Variants in CUX1 observed in about 807,000 individuals in gnomAD.
The protein encoded by CUX1 is cut like homeobox 1.
CUX1 carries 31 observed loss-of-function variants against 158.8 expected under a neutral mutation model. The observed-to-expected ratio is 0.20, with a 90% CI of 0.15 to 0.26. The LOEUF is 0.26. CUX1 is among the 10% of genes least tolerant of loss of function. The pLI is 1.00. For synonymous variants in CUX1, 879 were observed against 862.1 expected, an observed-to-expected ratio of 1.02 and a Z score of -0.34; for missense variants, 1,589 against 2,014.6, an observed-to-expected ratio of 0.79 and a Z score of 4.04.
intron 20 of CUX1, 71 bp from the exon 21 acceptor site, chr7:102,227,296 T>A (rs1798435544): frequency 7.5e-7 from 1 of 1,331,432 alleles, no homozygotes; most frequent in Non-Finnish European, 1.0e-6. Flanking sequence ...ATTTCCTAGA[T>A]AAGGAACGTA....
chr7:102,008,530 C>T (rs1233713228), intron 2 of CUX1, among the ~76,000 whole-genome samples: 1 of 152,100 alleles, frequency 6.6e-6, no homozygotes, highest in Non-Finnish European at 1.5e-5. Flanking sequence ...TTATTCTCCT[C>T]GTGTAATCCC....
chr7:101,818,005 G>T (rs1453749131), intron 1 of CUX1, among the ~76,000 whole-genome samples: 1 of 152,202 alleles, frequency 6.6e-6, no homozygotes, highest in Admixed American at 6.5e-5. Context: ...AACTTTAATT[G>T]TATATGCTTG....
At chr7:102,187,868 T>A (rs1554515759) in intron 11 of CUX1, among the ~76,000 whole-genome samples, 9 of 152,076 alleles carry the variant, frequency 5.9e-5, no homozygotes, top group Non-Finnish European at 2.9e-5. Context: ...CTCCCCAAAG[T>A]CTAGAATGTT....
intron 20 of CUX1, among the ~76,000 whole-genome samples, chr7:102,218,437 A>C (rs1403442205): frequency 6.6e-6 from 1 of 152,170 alleles, no homozygotes; most frequent in Non-Finnish European, 1.5e-5. Flanking sequence ...TAATCCCAGC[A>C]CTTTGGGAGG....
intron 2 of CUX1, among the ~76,000 whole-genome samples, chr7:102,001,074 T>A (rs1816629727): frequency 6.6e-6 from 1 of 152,064 alleles, no homozygotes; most frequent in Non-Finnish European, 1.5e-5. Flanking sequence ...TCACCATGCC[T>A]GGCCATAGGG....
intron 21 of CUX1, chr7:102,282,638 C>G: frequency 6.6e-7 from 1 of 1,522,306 alleles, no homozygotes; most frequent in Non-Finnish European, 9.0e-7. Context: ...CCAGGCCAGG[C>G]CCAGGGGCCA....
chr7:102,171,717 G>T (rs894630948), intron 10 of CUX1, among the ~76,000 whole-genome samples: 1 of 151,896 alleles, frequency 6.6e-6, no homozygotes, highest in Non-Finnish European at 1.5e-5. Flanking sequence ...CAGAGTGCTG[G>T]GATTACAGGC....
Position 102,252,640 on chromosome 7 carries a change from C to T in CUX1, c.*3598C>T, listed in dbSNP as rs1801637850. On this transcript the variant is annotated 3_prime_UTR_variant, in exon 24 of 24. Coordinates refer to ENST00000292535, the MANE Select transcript of CUX1 (RefSeq NM_181552.4). ...TTGACCCGGAGTTCCGGCCCAAGCT[C>T]CCTTGTGATAGCCGAGATGGCAGGT... is the stretch of plus-strand genomic sequence containing the variant. The T allele has an allele frequency of 2.0e-6, 2 of 985,290 alleles. No homozygotes were observed. Among genetic ancestry groups the T allele is most frequent in the South Asian group, 4.7e-5 (1 of 21,294 alleles). 61.0% of individuals were successfully genotyped at this position (985,290 alleles called of 1,614,324 possible).
intron 7 of CUX1, 87 bp downstream of exon 7, chr7:102,111,861 G>C: frequency 8.2e-7 from 1 of 1,214,750 alleles, no homozygotes; most frequent in Non-Finnish European, 1.2e-6. Flanking sequence ...CGGTCCCCGC[G>C]GATACCTGTT....
intron 2 of CUX1, among the ~76,000 whole-genome samples, chr7:101,925,710 T>A (rs1180902260): frequency 6.6e-6 from 1 of 152,146 alleles, no homozygotes; most frequent in Non-Finnish European, 1.5e-5. Flanking sequence ...GGCAGATGGA[T>A]TGCTTTTGCT....
At chr7:101,904,597 C>G in intron 1 of CUX1, among the ~76,000 whole-genome samples, 1 of 144,356 alleles carries the variant, frequency 6.9e-6, no homozygotes, top group Non-Finnish European at 1.5e-5. Flanking sequence ...CAGACAGAGT[C>G]TCACTCTGTT....
downstream of CUX1, among the ~76,000 whole-genome samples, chr7:102,259,768 AGAAAG>A (rs1790252034): frequency 6.7e-6 from 1 of 148,922 alleles, no homozygotes. Flanking sequence ...GAAAGAAAAG[AGAAAG>A]GAAGGAAGGA....
At chr7:102,024,188 C>T (rs7809609) in intron 2 of CUX1, among the ~76,000 whole-genome samples, 57,918 of 152,186 alleles carry the variant, frequency 0.38, 12,448 homozygotes, top group East Asian at 0.96. Flanking sequence ...CGCCCCAGCC[C>T]CCTGCTCTCC....
chr7:102,243,644 T>TAATAATAATA (rs1350209287), intron 23 of CUX1, among the ~76,000 whole-genome samples: 17 of 139,314 alleles, frequency 1.2e-4, no homozygotes, highest in Non-Finnish European at 1.7e-4. Flanking sequence ...ATAATAATAA[T>TAATAATAATA]AATAATAATA....
chr7:102,244,419 A>G (rs142739290), intron 23 of CUX1, among the ~76,000 whole-genome samples: 15 of 152,210 alleles, frequency 9.9e-5, no homozygotes, highest in African/African-American at 3.4e-4. Context: ...AAAATATCTC[A>G]GGCTGGGCCG....
chr7:101,980,518 C>G (rs1028469615), intron 2 of CUX1, among the ~76,000 whole-genome samples: 1 of 152,084 alleles, frequency 6.6e-6, no homozygotes, highest in Non-Finnish European at 1.5e-5. Flanking sequence ...CCAATTAAAA[C>G]AATAAAAATC....
intron 5 of CUX1, among the ~76,000 whole-genome samples, chr7:102,100,094 A>T (rs111399572): frequency 0.087 from 13,243 of 152,168 alleles, 784 homozygotes; most frequent in African/African-American, 0.16. Context: ...AGCCTGGCCA[A>T]CATGACGAAA....
chr7:101,869,695 G>A lies in CUX1; in HGVS notation c.31-46420G>A, dbSNP rs541488907. ...CTCAGGACACCATGGAAGACGGCAG[G>A]ACACACGTGCGAGCCACAGCAGGTG... On this transcript the variant is annotated intron_variant, in intron 1 of 23. Transcript: ENST00000292535. This position sits in a 1 kb window ranked among gnomAD's most constrained non-coding sequence, Gnocchi z 4.5. 7.2e-5 allele frequency among the ~76,000 whole-genome samples: 11 copies of A among 152,252 alleles called. No individual in the cohort carries two copies. In the South Asian group the frequency reaches 2.1e-3, roughly 29 times the overall value.
intron 1 of CUX1, among the ~76,000 whole-genome samples, chr7:101,886,645 C>A (rs1046028785): frequency 3.3e-5 from 5 of 152,170 alleles, no homozygotes; most frequent in African/African-American, 1.2e-4. Flanking sequence ...CTGCGAGGAC[C>A]CACACGTGCA....
Sources: allele counts gnomAD v4.1 joint callset (sites outside exome capture counted in the v4.1 genomes callset), GRCh38; gene constraint gnomAD v4.1.1; non-coding constraint Gnocchi (gnomAD v3.1); transcripts MANE v1.5; gene names NCBI Gene and HGNC (gene_info 2026-07-23, HGNC 2026-07-21).